Variants in ARHGAP11A observed in about 807,000 individuals in gnomAD.
ARHGAP11A encodes the protein rho GTPase-activating protein 11A.
A neutral mutation model predicts 60.5 loss-of-function variants in ARHGAP11A; 36 were observed. The ratio of observed to expected loss-of-function variants is 0.59; its 90% CI spans 0.46 to 0.79. The LOEUF is 0.79. Ranked by LOEUF, ARHGAP11A falls within the 30% of genes least tolerant of loss-of-function variation. ARHGAP11A has a pLI of 0.00. For missense variants in ARHGAP11A, 1,071 were observed against 1,199.2 expected (o/e 0.89, Z 1.58); for synonymous variants, 362 against 415.5 (o/e 0.87, Z 1.57).
chr15:32,632,854 T>A, intron 8 of ARHGAP11A, 125 bp from the exon 9 acceptor site: 5 of 883,828 alleles, frequency 5.7e-6, no homozygotes, highest in East Asian at 5.4e-5. Context: ...AACCAGAAAT[T>A]AAGTGATTTC....
chr15:32,619,484 C>T, intron 1 of ARHGAP11A, among the ~76,000 whole-genome samples: 1 of 152,026 alleles, frequency 6.6e-6, no homozygotes, highest in East Asian at 1.9e-4. Flanking sequence ...AAATGGGTTT[C>T]CAGCTAGTTA....
At chr15:32,617,528 G>A (rs1440782220) in intron 1 of ARHGAP11A, among the ~76,000 whole-genome samples, 1 of 136,578 alleles carries the variant, frequency 7.3e-6, no homozygotes, top group Non-Finnish European at 1.5e-5. Context: ...CTGGAGTGCA[G>A]TGGCGCGATC....
rs2053718698 is a variant in ARHGAP11A, at chr15:32,636,545, T to C, written c.1772T>C (p.Met591Thr). Residue 591 changes from methionine to threonine, a missense_variant, in exon 12 of 12, where the codon ATG (methionine) becomes ACG (threonine). Transcript: ENST00000361627. Reference sequence around the variant, plus strand: ...CCTCTTAGCGGGGATGAAAATAACATGACCAAAGAGACTTTGGTGAAAGTT... The same window carrying C: ...CCTCTTAGCGGGGATGAAAATAACACGACCAAAGAGACTTTGGTGAAAGTT... Reference protein sequence around the residue: ...SSPLSGDENNMTKETLVKVQK... With the variant: ...SSPLSGDENNTTKETLVKVQK... 1.2e-6 allele frequency: 2 copies of C among 1,614,114 alleles called. No individual in the cohort carries two copies. The highest frequency in any genetic ancestry group is 1.7e-6 in the Non-Finnish European group (2 of 1,179,978).
chr15:32,628,441 AATG>A (rs1371921774), intron 6 of ARHGAP11A, among the ~76,000 whole-genome samples: 3 of 152,092 alleles, frequency 2.0e-5, no homozygotes, highest in Non-Finnish European at 4.4e-5. Context: ...CTTAACATGT[AATG>A]ATTTCTTTTT....
intron 2 of ARHGAP11A, among the ~76,000 whole-genome samples, chr15:32,623,224 G>A (rs182007394): frequency 3.3e-5 from 5 of 151,890 alleles, no homozygotes; most frequent in African/African-American, 7.3e-5. Flanking sequence ...CAAGTCTTAC[G>A]CTCTGAAGGG....
In ARHGAP11A at chr15:32,638,630, ACT is replaced by A. The variant is rs528031236; in HGVS notation, c.*788_*789del. 674 of 152,596 alleles carry A rather than the reference ACT, an allele frequency of 4.4e-3. 4 individuals carry two copies. The highest frequency in any genetic ancestry group is 7.4e-3 in the Non-Finnish European group (506 of 67,992). 9.5% of individuals were successfully genotyped at this position (152,596 alleles called of 1,614,324 possible). A position where few individuals can be genotyped will look rare whatever the true frequency, so the allele number is the denominator to read the frequency against. Reference sequence around the variant, plus strand: ...TAATTTCCTTCAATAGCATCCTAAAACTCTATTTTTATTTGGGGCAGAGTAAT... The same window carrying A: ...TAATTTCCTTCAATAGCATCCTAAAACTATTTTTATTTGGGGCAGAGTAAT... On this transcript the variant is annotated 3_prime_UTR_variant, in exon 12 of 12. Transcript: ENST00000361627.
Position 32,615,963 on chromosome 15 carries a change from A to G in ARHGAP11A, c.-249A>G, listed in dbSNP as rs145284623. The G allele has an allele frequency of 1.5e-4, 80 of 537,036 alleles. No individual in the cohort carries two copies. Among genetic ancestry groups the G allele is most frequent in the Non-Finnish European group, 2.1e-4 (65 of 309,028 alleles). 33.3% of individuals were successfully genotyped at this position (537,036 alleles called of 1,614,324 possible). A position where few individuals can be genotyped will look rare whatever the true frequency, so the allele number is the denominator to read the frequency against. ...GGGTGACCAGAAAGAAGGTCGGTGT[A>G]AGTGAAGGAAGAGTGAGGTGTGGCT... On this transcript the variant is annotated 5_prime_UTR_variant, in exon 1 of 12. Coordinates refer to ENST00000361627, the MANE Select transcript of ARHGAP11A (RefSeq NM_014783.6).
chr15:32,636,988 G>C lies in ARHGAP11A; in HGVS notation c.2215G>C (p.Glu739Gln). The C allele has an allele frequency of 6.2e-7, 1 of 1,610,456 alleles. No homozygotes were observed. The highest frequency in any genetic ancestry group is 1.1e-5 in the South Asian group (1 of 89,850). The stretch of plus-strand genomic sequence containing the variant: ...GGATAAACTAAATAATAAATTAAAA[G>C]AGAATGAGAATATGATGGAAGGTAA... ...PKDKLNNKLK[E>Q]NENMMEGNLP... Residue 739 changes from glutamate (E) to glutamine (Q), a missense_variant, in exon 12 of 12, where the codon GAG (glutamate) becomes CAG (glutamine). Physicochemically the swap from Glu to Gln is conservative, Grantham distance 29 (BLOSUM62 2). This residue lies in a region of ARHGAP11A where 776 missense variants were observed against 760.2 expected (regional missense o/e 1.02). Transcript: ENST00000361627.
At chr15:32,634,607 C>G (rs756337137) in intron 10 of ARHGAP11A, among the ~76,000 whole-genome samples, 5 of 152,194 alleles carry the variant, frequency 3.3e-5, no homozygotes, top group Non-Finnish European at 5.9e-5. Flanking sequence ...TTTTTTGACT[C>G]TCCTACTTGG....
intron 8 of ARHGAP11A, among the ~76,000 whole-genome samples, chr15:32,630,826 C>G (rs950966309): frequency 1.3e-5 from 2 of 151,764 alleles, no homozygotes; most frequent in Admixed American, 1.3e-4. Flanking sequence ...GCAGTGTTCA[C>G]AGGTTGGAGA....
intron 1 of ARHGAP11A, 66 bp downstream of exon 1, chr15:32,616,406 C>T (rs1276966714): frequency 1.2e-6 from 2 of 1,605,190 alleles, no homozygotes; most frequent in East Asian, 2.2e-5. Flanking sequence ...CACTTACTAC[C>T]AGATCGTGCT....
At position 32,639,896 on chromosome 15, in the gene ARHGAP11A, G is replaced by A. The variant is rs765319902; in HGVS notation, c.*2051G>A. 6.6e-6 allele frequency: 1 copy of A among 152,044 alleles called. No homozygotes were observed. The highest frequency in any genetic ancestry group is 2.1e-4 in the South Asian group (1 of 4,826). 9.4% of individuals were successfully genotyped at this position (152,044 alleles called of 1,614,324 possible). On this transcript the variant is annotated 3_prime_UTR_variant, in exon 12 of 12. Coordinates refer to ENST00000361627, the MANE Select transcript of ARHGAP11A (RefSeq NM_014783.6). Reference sequence around the variant, plus strand: ...TGTCTGGACGTGCAGTAACCTCATGGGTTCTTCTCACTGTCTTATAAATGT... The same window carrying A: ...TGTCTGGACGTGCAGTAACCTCATGAGTTCTTCTCACTGTCTTATAAATGT...
intron 8 of ARHGAP11A, among the ~76,000 whole-genome samples, chr15:32,631,698 C>T (rs142675241): frequency 0.022 from 3,417 of 152,220 alleles, 58 homozygotes; most frequent in Middle Eastern, 0.061. Flanking sequence ...TTTTTTGAGA[C>T]GGAGTCTCGC....
chr15:32,623,665 A>G (rs902500496), intron 3 of ARHGAP11A, 77 bp downstream of exon 3: 6 of 1,303,882 alleles, frequency 4.6e-6, no homozygotes, highest in Non-Finnish European at 6.4e-6. Flanking sequence ...AATATTTAGA[A>G]CTATTAATAT....
intron 3 of ARHGAP11A, 40 bp from the exon 4 acceptor site, chr15:32,624,131 CTT>C: frequency 6.2e-7 from 1 of 1,608,560 alleles, no homozygotes; most frequent in Admixed American, 1.7e-5. Context: ...GCAATAAACT[CTT>C]AAGTTGCCAA....
Position 32,616,223 on chromosome 15 carries a change from G to A in ARHGAP11A, c.12G>A (p.Gln4=). ...TCGACGTATCCGGAATGTGGGATCA[G>A]AGGCTGGTGAGGTTGGCCCTGTTGC... MWD[Q]RLVRLALLQH... is the part of the protein sequence containing the mutation. The change falls in exon 1 of 12, where the codon CAG becomes CAA. Residue 4 remains glutamine, a synonymous_variant. Transcript: ENST00000361627. The A allele has an allele frequency of 1.2e-6, 2 of 1,614,186 alleles. No individual in the cohort carries two copies. The highest frequency in any genetic ancestry group is 1.7e-6 in the Non-Finnish European group (2 of 1,180,030).
In ARHGAP11A at chr15:32,636,512, C is replaced by G. The variant is rs1369422764; in HGVS notation, c.1739C>G (p.Thr580Arg). ...NLNNKHNSNI[T>R]SSPLSGDENN... ...AACAATAAGCATAATAGCAACATAA[C>G]AAGTAGCCCTCTTAGCGGGGATGAA... is the stretch of plus-strand genomic sequence containing the variant. Residue 580 changes from threonine to arginine, a missense_variant, in exon 12 of 12, where the codon ACA (threonine) becomes AGA (arginine). By Grantham distance (71) the Thr-to-Arg change is moderately conservative (BLOSUM62 -1). This residue lies in a region of ARHGAP11A where 776 missense variants were observed against 760.2 expected (regional missense o/e 1.02). Coordinates refer to ENST00000361627, the MANE Select transcript of ARHGAP11A (RefSeq NM_014783.6). 25 of 1,614,046 alleles carry G rather than the reference C, an allele frequency of 1.5e-5. No homozygotes were observed. Among genetic ancestry groups the G allele is most frequent in the Non-Finnish European group, 1.8e-5 (21 of 1,179,954 alleles).
chr15:32,622,017 A>G (rs1447359677), intron 2 of ARHGAP11A, among the ~76,000 whole-genome samples: 2 of 152,308 alleles, frequency 1.3e-5, no homozygotes, highest in Non-Finnish European at 1.5e-5. Context: ...GTTTCCCCCC[A>G]TTCATCCTAT....
In ARHGAP11A at chr15:32,637,953, G is replaced by T; in HGVS notation, c.*108G>T. The T allele has an allele frequency of 3.1e-6, 3 of 971,410 alleles. No homozygotes were observed. The highest frequency in any genetic ancestry group is 1.9e-5 in the South Asian group (1 of 52,980). The allele number at this position is 971,410 out of a possible 1,614,324, so 60.2% of individuals were successfully genotyped here. On this transcript the variant is annotated 3_prime_UTR_variant, in exon 12 of 12. Transcript: ENST00000361627. ...AGCTCAGGATGATTGTTAAGCAATAGATTTGCTCTATTGAAAATGTTTCAT... is the reference window on the plus strand; with the variant it reads ...AGCTCAGGATGATTGTTAAGCAATATATTTGCTCTATTGAAAATGTTTCAT...
Sources: gnomAD v4.1 joint callset for allele counts (sites outside exome capture counted in the v4.1 genomes callset) on GRCh38, gnomAD v4.1.1 for gene constraint, gnomAD v4.1.1 regional missense constraint, MANE v1.5 for transcripts, NCBI Gene and HGNC (gene_info 2026-07-23, HGNC 2026-07-21) for gene names.